The following PCDHGA8 variants were observed in gnomAD, a reference collection of about 807,000 sequenced individuals.
The protein encoded by PCDHGA8 is protocadherin gamma subfamily A, 8, also known as protocadherin gamma-A8.
PCDHGA8 carries 45 observed loss-of-function variants against 59.2 expected under a neutral mutation model. That is an observed-to-expected ratio of 0.76 (90% CI 0.60 to 0.98). The LOEUF (loss-of-function observed/expected upper bound fraction) is 0.98. Ranked by LOEUF, PCDHGA8 falls within the 50% of genes least tolerant of loss-of-function variation. The probability of loss-of-function intolerance (pLI) is 0.00; values close to 1 mark genes in which losing one functional copy is unlikely to be tolerated. For missense variants in PCDHGA8, 1,257 were observed against 1,196.2 expected (o/e 1.05, Z -0.75); for synonymous variants, 531 against 519.0 (o/e 1.02, Z -0.32).
intron 1 of PCDHGA8, chr5:141,478,781 A>G: frequency 6.7e-7 from 1 of 1,485,388 alleles, no homozygotes; most frequent in Non-Finnish European, 9.0e-7. Flanking sequence ...TGTGGACCTA[A>G]TTCACATCCT....
chr5:141,409,000 C>A, intron 1 of PCDHGA8: 4 of 1,613,950 alleles, frequency 2.5e-6, no homozygotes, highest in Non-Finnish European at 3.4e-6. Flanking sequence ...AAGTGACAGC[C>A]ACTGACCAGG....
chr5:141,410,976 C>G (rs750121743), intron 1 of PCDHGA8: 28 of 178,158 alleles, frequency 1.6e-4, no homozygotes, highest in Non-Finnish European at 2.6e-4. Context: ...GCCTCAGCCT[C>G]CCAAGTAGCT....
Position 141,431,530 on chromosome 5 carries a change from G to A in PCDHGA8, c.2424+36293G>A. On this transcript the variant is annotated intron_variant, in intron 1 of 3. Transcript: ENST00000398604. The surrounding 1 kb of genome is among the most constrained non-coding windows in gnomAD (Gnocchi z 4.8). ...CGAGCGTTCCGGAGAATCTGGCCTT[G>A]GGCACGCAGCTGCTTGTAGTCAACG... 3 of 1,614,072 alleles carry A rather than the reference G, an allele frequency of 1.9e-6. No homozygotes were observed. In the South Asian group the frequency reaches 3.3e-5, roughly 18 times the overall value.
chr5:141,486,654 T>C lies in PCDHGA8; in HGVS notation c.2425-8153T>C. ...TTGAATGCGCTTATCTCCTACTCAC[T>C]CCTGGAGCCCAGGAATCGAGATGTA... is the stretch of plus-strand genomic sequence containing the variant. On this transcript the variant is annotated intron_variant, in intron 1 of 3. Coordinates refer to ENST00000398604, the MANE Select transcript of PCDHGA8 (RefSeq NM_032088.2). The surrounding 1 kb of genome is among the most constrained non-coding windows in gnomAD (Gnocchi z 5.0). The C allele has an allele frequency of 2.5e-6, 4 of 1,613,922 alleles. No individual in the cohort carries two copies. Among genetic ancestry groups the C allele is most frequent in the Non-Finnish European group, 3.4e-6 (4 of 1,180,026 alleles).
intron 1 of PCDHGA8, among the ~76,000 whole-genome samples, chr5:141,433,789 A>G (rs1388423731): frequency 6.7e-6 from 1 of 148,972 alleles, no homozygotes; most frequent in Non-Finnish European, 1.5e-5. Flanking sequence ...ATGAGCTGAG[A>G]TTGTGCCATT....
intron 1 of PCDHGA8, chr5:141,417,766 C>G: frequency 6.9e-7 from 1 of 1,442,472 alleles, no homozygotes; most frequent in Non-Finnish European, 9.1e-7. Flanking sequence ...AGACCCGGGA[C>G]TCCTCCTGTC....
At chr5:141,423,631 T>G (rs1452661307) in intron 1 of PCDHGA8, 2 of 1,603,990 alleles carry the variant, frequency 1.2e-6, no homozygotes, top group African/African-American at 2.7e-5. Flanking sequence ...AGCTATCATT[T>G]TAGGCAAATG....
At chr5:141,503,479 G>A (rs1203644194) in intron 2 of PCDHGA8, among the ~76,000 whole-genome samples, 5 of 151,616 alleles carry the variant, frequency 3.3e-5, no homozygotes, top group African/African-American at 9.7e-5. Context: ...TGCACTTGTC[G>A]TCCCAGCTGC....
chr5:141,398,545 C>T (rs774657005), intron 1 of PCDHGA8: 2 of 1,613,768 alleles, frequency 1.2e-6, no homozygotes, highest in Non-Finnish European at 1.7e-6. Flanking sequence ...TTCCTTTGAG[C>T]TGCAAATAAG....
Position 141,423,752 on chromosome 5 carries a change from G to A in PCDHGA8, c.2424+28515G>A, listed in dbSNP as rs749899386. 4.7e-6 allele frequency: 3 copies of A among 644,956 alleles called. 1 individual carries two copies. The highest frequency in any genetic ancestry group is 1.1e-4 in the South Asian group (2 of 17,914). 40.0% of individuals were successfully genotyped at this position (644,956 alleles called of 1,614,324 possible). ...TTGAGCCTGTTATGAAAACTGTTTGGGGGGGGGGTGGGGCGGCATATATTT... is the reference window on the plus strand; with the variant it reads ...TTGAGCCTGTTATGAAAACTGTTTGAGGGGGGGGTGGGGCGGCATATATTT... On this transcript the variant is annotated intron_variant, in intron 1 of 3. Transcript: ENST00000398604.
At chr5:141,396,764 T>C (rs1040059955) in intron 1 of PCDHGA8, 1 of 152,236 alleles carries the variant, frequency 6.6e-6, no homozygotes, top group Non-Finnish European at 1.5e-5. Context: ...CCAATAAATG[T>C]TTGTTATTAA....
Position 141,485,790 on chromosome 5 carries a change from C to T in PCDHGA8, c.2425-9017C>T. On this transcript the variant is annotated intron_variant, in intron 1 of 3. Transcript: ENST00000398604. This position sits in a 1 kb window ranked among gnomAD's most constrained non-coding sequence, Gnocchi z 5.7. The stretch of plus-strand genomic sequence containing the variant: ...AAGCCTTTGGATCGAGAGAAGCAAT[C>T]GGACTACCGCCTGGTGCTGACTGCT... 6.2e-7 allele frequency: 1 copy of T among 1,614,204 alleles called. No homozygotes were observed. Among genetic ancestry groups the T allele is most frequent in the Non-Finnish European group, 8.5e-7 (1 of 1,180,032 alleles).
chr5:141,417,875 G>A, intron 1 of PCDHGA8: 1 of 1,556,360 alleles, frequency 6.4e-7, no homozygotes, highest in South Asian at 1.2e-5. Flanking sequence ...AGGGAGCTGC[G>A]CGCAGAGGCG....
intron 1 of PCDHGA8, chr5:141,410,390 G>A: frequency 6.2e-7 from 1 of 1,614,012 alleles, no homozygotes; most frequent in South Asian, 1.1e-5. Flanking sequence ...CTTCCATCCT[G>A]GTCTCTGTGT....
At chr5:141,414,059 A>C (rs1008514691) in intron 1 of PCDHGA8, 1 of 1,609,440 alleles carries the variant, frequency 6.2e-7, no homozygotes, top group East Asian at 2.2e-5. Flanking sequence ...CAATTGTTGA[A>C]GTTCCAACTA....
intron 1 of PCDHGA8, chr5:141,413,527 G>T (rs768496934): frequency 1.2e-6 from 2 of 1,613,820 alleles, no homozygotes; most frequent in African/African-American, 1.3e-5. Flanking sequence ...GGAAGACAGG[G>T]TGAAACTTTT....
At chr5:141,399,833 C>A in intron 1 of PCDHGA8, 1 of 1,613,140 alleles carries the variant, frequency 6.2e-7, no homozygotes, top group Non-Finnish European at 8.5e-7. Context: ...GACGGCTCTG[C>A]GCTCTTCGAT....
intron 1 of PCDHGA8, chr5:141,421,458 T>C (rs2096575080): frequency 6.2e-7 from 1 of 1,614,122 alleles, no homozygotes; most frequent in Non-Finnish European, 8.5e-7. Flanking sequence ...AGCTTTTCGC[T>C]GTGAATCCGC....
rs749937052 is a variant in PCDHGA8, at chr5:141,490,441, G to A, written c.2425-4366G>A. ...CCTGCCATTTCAGATTAAGCCTTCT[G>A]AGAACCACTACTCGCTGCTAACCAG... On this transcript the variant is annotated intron_variant, in intron 1 of 3. Coordinates refer to ENST00000398604, the MANE Select transcript of PCDHGA8 (RefSeq NM_032088.2). The surrounding 1 kb of genome is among the most constrained non-coding windows in gnomAD (Gnocchi z 5.4). The A allele has an allele frequency of 9.3e-6, 15 of 1,614,208 alleles. No homozygotes were observed. The highest frequency in any genetic ancestry group is 1.2e-5 in the Non-Finnish European group (14 of 1,180,042).
Sources: allele counts gnomAD v4.1 joint callset (sites outside exome capture counted in the v4.1 genomes callset), GRCh38; gene constraint gnomAD v4.1.1; non-coding constraint Gnocchi (gnomAD v3.1); transcripts MANE v1.5; gene names NCBI Gene and HGNC (gene_info 2026-07-23, HGNC 2026-07-21).